The following PRDM2 variants were observed in gnomAD, a reference collection of about 807,000 sequenced individuals.
PRDM2 encodes PR domain zinc finger protein 2.
In PRDM2, 30 loss-of-function variants were observed where a neutral mutation model predicts 130.0. The ratio of observed to expected loss-of-function variants is 0.23; its 90% CI spans 0.17 to 0.31. The LOEUF (loss-of-function observed/expected upper bound fraction) is 0.31. PRDM2 is among the 10% of genes least tolerant of loss of function. PRDM2 has a pLI of 1.00. For missense variants in PRDM2, 2,011 were observed against 2,108.4 expected, an observed-to-expected ratio of 0.95 and a Z score of 0.90; for synonymous variants, 871 against 782.4, an observed-to-expected ratio of 1.11 and a Z score of -1.89.
rs745337801 is a variant in PRDM2, at chr1:13,732,790, A to G, written c.139A>G (p.Thr47Ala). 2.5e-6 allele frequency: 4 copies of G among 1,601,712 alleles called. No homozygotes were observed. The highest frequency in any genetic ancestry group is 2.7e-5 in the African/African-American group (2 of 74,338). The change falls in exon 4 of 10, where the codon ACT (threonine) becomes GCT (alanine). Residue 47 changes from threonine to alanine, a missense_variant. Physicochemically the swap from Thr to Ala is moderately conservative, Grantham distance 58 (BLOSUM62 0). This residue lies in a region of PRDM2 where 79 missense variants were observed against 93.6 expected (regional missense o/e 0.84). Coordinates refer to ENST00000311066, the MANE Select transcript of PRDM2 (RefSeq NM_001393986.1). ...VDKTRIGVWATKPILKGKKFG... is the reference protein window; with the variant it reads ...VDKTRIGVWAAKPILKGKKFG... ...ATTTTATTTTCTAGGTGTCTGGGCC[A>G]CTAAACCAATTTTAAAAGGCAAAAA...
At position 13,778,614 on chromosome 1, in the gene PRDM2, A is replaced by AGAG. The variant is rs774369835; in HGVS notation, c.828_830dup (p.Glu276dup). On this transcript the variant is annotated inframe_insertion, in exon 8 of 10. Coordinates refer to ENST00000311066, the MANE Select transcript of PRDM2 (RefSeq NM_001393986.1). Reference sequence around the variant, plus strand: ...ATTTGGGGGAAGAGGAGGAGGAGGAAGAGGAGGAGGATGAAGAAGAAGAAG... The same window carrying AGAG: ...ATTTGGGGGAAGAGGAGGAGGAGGAAGAGGAGGAGGAGGATGAAGAAGAAGAAG... The AGAG allele has an allele frequency of 6.2e-7, 1 of 1,613,522 alleles. No individual in the cohort carries two copies. Among genetic ancestry groups the AGAG allele is most frequent in the South Asian group, 1.1e-5 (1 of 91,012 alleles).
At chr1:13,731,497 A>G (rs571363326) in intron 3 of PRDM2, among the ~76,000 whole-genome samples, 1 of 152,300 alleles carries the variant, frequency 6.6e-6, no homozygotes, top group East Asian at 1.9e-4. Flanking sequence ...ATTGTTTTGT[A>G]ATATTTTTAC....
intron 6 of PRDM2, among the ~76,000 whole-genome samples, chr1:13,751,630 A>G (rs1010236753): frequency 2.6e-5 from 4 of 152,126 alleles, no homozygotes; most frequent in South Asian, 2.1e-4. Flanking sequence ...GTGAATCAAC[A>G]TAAATGTCAT....
At chr1:13,743,399 CAAAAAAAAAAAA>C (rs70984282) in intron 5 of PRDM2, among the ~76,000 whole-genome samples, 7 of 41,798 alleles carry the variant, frequency 1.7e-4, no homozygotes, top group South Asian at 1.0e-3. Flanking sequence ...GACTCTGTCT[CAAAAAAAAAAAA>C]AAAAAAAAAA....
At chr1:13,726,307 G>A (rs1423251134) in intron 2 of PRDM2, among the ~76,000 whole-genome samples, 1 of 152,184 alleles carries the variant, frequency 6.6e-6, no homozygotes, top group African/African-American at 2.4e-5. Flanking sequence ...AGCATGGAAA[G>A]GTCATCCTGG....
At chr1:13,796,692 C>A (rs1413500476) in intron 8 of PRDM2, among the ~76,000 whole-genome samples, 1 of 152,182 alleles carries the variant, frequency 6.6e-6, no homozygotes, top group African/African-American at 2.4e-5. Context: ...GCCAAGGCCG[C>A]AGTGAGCTAT....
At position 13,781,061 on chromosome 1, in the gene PRDM2, A is replaced by G; in HGVS notation, c.3266A>G (p.Asp1089Gly). The G allele has an allele frequency of 6.2e-7, 1 of 1,612,856 alleles. No individual in the cohort carries two copies. The highest frequency in any genetic ancestry group is 8.5e-7 in the Non-Finnish European group (1 of 1,179,026). Residue 1089 changes from aspartate to glycine, a missense_variant, in exon 8 of 10, where the codon GAT becomes GGT. Asp to Gly is a moderately conservative substitution (Grantham distance 94). This residue lies in a region of PRDM2 where 1,288 missense variants were observed against 1,237.7 expected (regional missense o/e 1.04). Coordinates refer to ENST00000311066, the MANE Select transcript of PRDM2 (RefSeq NM_001393986.1). This position sits in a 1 kb window ranked among gnomAD's most constrained non-coding sequence, Gnocchi z 6.1. Reference sequence around the variant, plus strand: ...ATATCATCTGTTGTTTCCTCTGGTGATAATCTGGAGGCTTCTCTCCCCATG... The same window carrying G: ...ATATCATCTGTTGTTTCCTCTGGTGGTAATCTGGAGGCTTCTCTCCCCATG... ...SAISSVVSSG[D>G]NLEASLPMIS...
In PRDM2 at chr1:13,719,744, C is replaced by T. The variant is rs192962009; in HGVS notation, c.9+4130C>T. Among the ~76,000 whole-genome samples the T allele has an allele frequency of 7.2e-5, 11 of 151,838 alleles. No homozygotes were observed. The East Asian group carries it at 2.1e-3, about 29-fold the overall frequency. On this transcript the variant is annotated intron_variant, in intron 2 of 9. Transcript: ENST00000311066. The stretch of plus-strand genomic sequence containing the variant: ...ATAGCAGTCCTGCTCATTTCTTAAC[C>T]AAATAATTTAATGCCATTTCAGTAA...
chr1:13,730,154 C>T (rs1416832780), intron 2 of PRDM2, among the ~76,000 whole-genome samples: 3 of 152,194 alleles, frequency 2.0e-5, no homozygotes, highest in Non-Finnish European at 2.9e-5. Context: ...GTGATGTGCA[C>T]ATCAGCTCCG....
At chr1:13,796,844 G>A (rs1387388298) in intron 8 of PRDM2, among the ~76,000 whole-genome samples, 1 of 152,222 alleles carries the variant, frequency 6.6e-6, no homozygotes, top group Non-Finnish European at 1.5e-5. Flanking sequence ...AGATAGGAGA[G>A]TATTAAGTAT....
At chr1:13,796,407 C>T (rs1644923028) in intron 8 of PRDM2, among the ~76,000 whole-genome samples, 1 of 152,202 alleles carries the variant, frequency 6.6e-6, no homozygotes, top group Admixed American at 6.5e-5. Flanking sequence ...CCCTTGTAAG[C>T]AAAGTGCATT....
rs754582779 is a variant in PRDM2 at position 13,816,438 on chromosome 1, G to T, written c.5048G>T (p.Arg1683Leu). The change falls in exon 9 of 10, where the codon CGC (arginine) becomes CTC (leucine). Residue 1683 changes from arginine to leucine, a missense_variant. By Grantham distance (102) the Arg-to-Leu change is moderately radical. This residue lies in a region of PRDM2 where 410 missense variants were observed against 395.9 expected (regional missense o/e 1.04). Coordinates refer to ENST00000311066, the MANE Select transcript of PRDM2 (RefSeq NM_001393986.1). ...CTCTTCCTGCACAGCTACAGCCTCC[G>T]CTTGGCGTCCCGATGCTCTCCACCA... ...QELKDFSYSL[R>L]LASRCSPPAA... 2.5e-6 allele frequency: 4 copies of T among 1,613,960 alleles called. No individual in the cohort carries two copies. The highest frequency in any genetic ancestry group is 3.4e-6 in the Non-Finnish European group (4 of 1,180,014).
chr1:13,812,945 C>T (rs1220059139), intron 8 of PRDM2, among the ~76,000 whole-genome samples: 1 of 152,112 alleles, frequency 6.6e-6, no homozygotes, highest in Non-Finnish European at 1.5e-5. Context: ...CGAGGCCGAG[C>T]GACAGGGAGT....
chr1:13,709,912 A>G (rs992376673), intron 1 of PRDM2, among the ~76,000 whole-genome samples: 1 of 152,206 alleles, frequency 6.6e-6, no homozygotes, highest in Non-Finnish European at 1.5e-5. Flanking sequence ...ATTATTTTCC[A>G]GTTACTCCTC....
intron 7 of PRDM2, chr1:13,773,462 A>G (rs1227935900): frequency 4.8e-6 from 1 of 208,010 alleles, no homozygotes; most frequent in Non-Finnish European, 9.5e-6. Context: ...CTGTAATCCC[A>G]GCACTTTGGG....
chr1:13,779,632 A>G lies in PRDM2; in HGVS notation c.1837A>G (p.Ile613Val), dbSNP rs1429598361. The G allele has an allele frequency of 4.3e-6, 7 of 1,614,058 alleles. No homozygotes were observed. The highest frequency in any genetic ancestry group is 4.5e-5 in the East Asian group (2 of 44,882). The change falls in exon 8 of 10, where the codon ATA becomes GTA. Residue 613 changes from isoleucine (I) to valine (V), a missense_variant. Physicochemically the swap from Ile to Val is conservative, Grantham distance 29 (BLOSUM62 3). This residue lies in a region of PRDM2 where 1,288 missense variants were observed against 1,237.7 expected (regional missense o/e 1.04). Transcript: ENST00000311066. The surrounding 1 kb of genome is among the most constrained non-coding windows in gnomAD (Gnocchi z 4.9). ...TPVTVEITQN[I>V]KTTQVPVTED... ...AGTTACAGTGGAAATTACTCAAAAT[A>G]TAAAGACCACACAGGTCCCTGTAAC...
intron 8 of PRDM2, among the ~76,000 whole-genome samples, chr1:13,789,969 C>T (rs1644812555): frequency 6.6e-6 from 1 of 152,224 alleles, no homozygotes; most frequent in South Asian, 2.1e-4. Context: ...TGAAGCACTG[C>T]TGTTGAGCGT....
intron 8 of PRDM2, among the ~76,000 whole-genome samples, chr1:13,802,013 G>C (rs1570090330): frequency 6.6e-6 from 1 of 152,236 alleles, no homozygotes; most frequent in Admixed American, 6.5e-5. Context: ...GGCTCCTCGT[G>C]TGTAAGGTAG....
chr1:13,750,006 CAGG>C (rs1643768963), intron 6 of PRDM2, among the ~76,000 whole-genome samples: 1 of 152,194 alleles, frequency 6.6e-6, no homozygotes, highest in Admixed American at 6.5e-5. Flanking sequence ...GAGACAGAGA[CAGG>C]AGGCGGCGGG....
Sources: allele counts gnomAD v4.1 joint callset (sites outside exome capture counted in the v4.1 genomes callset), GRCh38; gene constraint gnomAD v4.1.1; regional missense constraint gnomAD v4.1.1; non-coding constraint Gnocchi (gnomAD v3.1); transcripts MANE v1.5; gene names NCBI Gene and HGNC (gene_info 2026-07-23, HGNC 2026-07-21).